CDADC1: variants seen among roughly 807,000 people sequenced by gnomAD.
The protein encoded by CDADC1 is cytidine and dCMP deaminase domain containing 1, also known as dCTP deaminase.
CDADC1 carries 39 observed loss-of-function variants against 54.9 expected under a neutral mutation model. The observed-to-expected ratio is 0.71, with a 90% CI of 0.55 to 0.93. CDADC1 has a LOEUF of 0.93. Among genes scored for constraint, CDADC1 ranks in the 40% least tolerant of loss-of-function variants. The probability of loss-of-function intolerance (pLI) is 0.00; values close to 1 mark genes in which losing one functional copy is unlikely to be tolerated. For missense variants in CDADC1, 518 were observed against 618.8 expected, an observed-to-expected ratio of 0.84 and a Z score of 1.73; for synonymous variants, 186 against 204.0, an observed-to-expected ratio of 0.91 and a Z score of 0.75.
Position 49,268,058 on chromosome 13 carries a change from T to TG in CDADC1, c.1000+1dup. 6.2e-7 allele frequency: 1 copy of TG among 1,606,290 alleles called. No individual in the cohort carries two copies. On this transcript the variant is annotated frameshift_variant and splice_region_variant, in exon 5 of 10. Transcript: ENST00000251108. LOFTEE classifies it high-confidence loss of function. ...AGGCCAGGTTATTGGCATATCGAACTGGTGAGTTACATAGATCGTAAATTG... is the reference window on the plus strand; with the variant it reads ...AGGCCAGGTTATTGGCATATCGAACTGGGTGAGTTACATAGATCGTAAATTG...
In CDADC1 at chr13:49,248,119, G is replaced by A. The variant is rs542495998; in HGVS notation, c.82G>A (p.Gly28Ser). 6 of 1,550,920 alleles carry A rather than the reference G, an allele frequency of 3.9e-6. No homozygotes were observed. The highest frequency in any genetic ancestry group is 2.7e-5 in the African/African-American group (2 of 73,154). ...CAGCACCCAGACTGGCAGCATGACC[G>A]GTGAGTGTCCGGGACCCTGCTCCCG... ...SVSTQTGSMT[G>S]QIPRLSKVNL... Residue 28 changes from glycine (G) to serine (S), a missense_variant and splice_region_variant, in exon 1 of 10, where the codon GGT (glycine) becomes AGT (serine). Transcript: ENST00000251108.
rs377446085 is a variant in CDADC1, at chr13:49,274,277, C to T, written c.1001-14C>T. 38 of 1,597,554 alleles carry T rather than the reference C, an allele frequency of 2.4e-5. No individual in the cohort carries two copies. The African/African-American group carries it at 4.4e-4, about 19-fold the overall frequency. On this transcript the variant is annotated splice_polypyrimidine_tract_variant and intron_variant, in intron 5 of 9. Coordinates refer to ENST00000251108, the MANE Select transcript of CDADC1 (RefSeq NM_030911.4). Reference sequence around the variant, plus strand: ...TCATAATTTTTACTGAGTTAAATGCCATATATCTTTCAGAGGATCATAAAA... The same window carrying T: ...TCATAATTTTTACTGAGTTAAATGCTATATATCTTTCAGAGGATCATAAAA...
chr13:49,261,579 A>T (rs998325950), intron 4 of CDADC1, among the ~76,000 whole-genome samples: 1 of 152,202 alleles, frequency 6.6e-6, no homozygotes, highest in Non-Finnish European at 1.5e-5. Flanking sequence ...GAGATTAGAG[A>T]TTGGGAGCTT....
intron 9 of CDADC1, among the ~76,000 whole-genome samples, chr13:49,288,315 T>C (rs1953584134): frequency 6.6e-6 from 1 of 152,238 alleles, no homozygotes; most frequent in Non-Finnish European, 1.5e-5. Context: ...TTTTTAATTA[T>C]ATGATAGTTT....
In CDADC1 at chr13:49,248,094, C is replaced by G. The variant is rs1035105322; in HGVS notation, c.57C>G (p.Val19=). The G allele has an allele frequency of 6.4e-7, 1 of 1,552,904 alleles. No individual in the cohort carries two copies. The highest frequency in any genetic ancestry group is 1.4e-5 in the African/African-American group (1 of 73,088). ...AGAGCGCGAGGGCCGGGCGGTCAGT[C>G]AGCACCCAGACTGGCAGCATGACCG... ...NLESARAGRS[V]STQTGSMTGQ... The change falls in exon 1 of 10, where the codon GTC becomes GTG. Residue 19 remains valine (V), a synonymous_variant. Coordinates refer to ENST00000251108, the MANE Select transcript of CDADC1 (RefSeq NM_030911.4).
intron 9 of CDADC1, among the ~76,000 whole-genome samples, chr13:49,289,120 C>CTTTTT (rs66814830): frequency 1.5e-4 from 9 of 60,992 alleles, no homozygotes; most frequent in African/African-American, 3.9e-4. Flanking sequence ...TTTTTTTTTG[C>CTTTTT]TTTTTTTTTT....
At chr13:49,280,826 T>TATTATTATTA (rs1429144291) in intron 8 of CDADC1, 128 bp downstream of exon 8, 9 of 220,096 alleles carry the variant, frequency 4.1e-5, no homozygotes, top group African/African-American at 1.9e-4. Context: ...TTATTATTAT[T>TATTATTATTA]ATTATTATTT....
At chr13:49,266,714 C>T (rs564243043) in intron 4 of CDADC1, among the ~76,000 whole-genome samples, 2 of 152,170 alleles carry the variant, frequency 1.3e-5, no homozygotes, top group South Asian at 4.1e-4. Flanking sequence ...GTTTGTTTAA[C>T]GTCTTTGCTT....
At chr13:49,286,136 G>A in intron 8 of CDADC1, 86 bp from the exon 9 acceptor site, 1 of 1,115,982 alleles carries the variant, frequency 9.0e-7, no homozygotes, top group East Asian at 2.4e-5. Flanking sequence ...TTTTTAAGAA[G>A]TTGTTTTGAT....
chr13:49,282,996 A>G (rs1481118683), intron 8 of CDADC1, among the ~76,000 whole-genome samples: 1 of 152,222 alleles, frequency 6.6e-6, no homozygotes, highest in Non-Finnish European at 1.5e-5. Context: ...CATTGTTTCT[A>G]TGACATCCAA....
chr13:49,257,122 G>C (rs1415978624), intron 3 of CDADC1, among the ~76,000 whole-genome samples: 1 of 152,128 alleles, frequency 6.6e-6, no homozygotes, highest in East Asian at 1.9e-4. Flanking sequence ...TTGTTTTATT[G>C]AGTTTGGGAT....
At position 49,280,669 on chromosome 13, in the gene CDADC1, G is replaced by C. The variant is rs141697320; in HGVS notation, c.1381G>C (p.Gly461Arg). The C allele has an allele frequency of 2.5e-6, 4 of 1,587,370 alleles. No homozygotes were observed. The highest frequency in any genetic ancestry group is 1.7e-6 in the Non-Finnish European group (2 of 1,169,998). Residue 461 changes from glycine (G) to arginine (R), a missense_variant, in exon 8 of 10, where the codon GGG (glycine) becomes CGG (arginine). Gly to Arg is a moderately radical substitution (Grantham distance 125). Transcript: ENST00000251108. Reference protein sequence around the residue: ...KKADISYMRFGELEGVSKFTW... With the variant: ...KKADISYMRFRELEGVSKFTW... The stretch of plus-strand genomic sequence containing the variant: ...GGCAGACATCTCTTACATGAGGTTC[G>C]GGGAGCTTGAAGGTGTTAGCAAATT...
In CDADC1 at chr13:49,277,483, A is replaced by G. The variant is rs533869361; in HGVS notation, c.1051-867A>G. On this transcript the variant is annotated intron_variant, in intron 6 of 9. Coordinates refer to ENST00000251108, the MANE Select transcript of CDADC1 (RefSeq NM_030911.4). The stretch of plus-strand genomic sequence containing the variant: ...CTCAGCATGATGTTTGACATTTAGT[A>G]AATGTTCAAACAGATTTATTAATGA... 7.9e-5 allele frequency among the ~76,000 whole-genome samples: 12 copies of G among 152,312 alleles called. No individual in the cohort carries two copies. The South Asian group carries it at 2.3e-3, about 29-fold the overall frequency.
chr13:49,280,021 T>C (rs1369238010), intron 7 of CDADC1, among the ~76,000 whole-genome samples: 1 of 152,214 alleles, frequency 6.6e-6, no homozygotes, highest in East Asian at 1.9e-4. Context: ...AGTATTTGAT[T>C]ATTCATTTAG....
intron 7 of CDADC1, 49 bp downstream of exon 7, chr13:49,278,568 G>T: frequency 5.7e-6 from 7 of 1,238,930 alleles, no homozygotes; most frequent in East Asian, 2.6e-5. Flanking sequence ...AGCAAGGGTT[G>T]GTTGAAATTA....
intron 4 of CDADC1, among the ~76,000 whole-genome samples, chr13:49,259,924 T>C (rs56324393): frequency 0.011 from 1,616 of 151,776 alleles, 23 homozygotes; most frequent in African/African-American, 0.037. Context: ...ACCACAGAGA[T>C]AATTTAGAAA....
chr13:49,274,499 T>TAA (rs58770280), intron 6 of CDADC1, among the ~76,000 whole-genome samples, 159 bp downstream of exon 6: 1 of 140,682 alleles, frequency 7.1e-6, no homozygotes, highest in Non-Finnish European at 1.6e-5. Context: ...CCATCTCTAC[T>TAA]AAAAAAAAAA....
intron 4 of CDADC1, among the ~76,000 whole-genome samples, chr13:49,260,133 G>A (rs1952642250): frequency 6.6e-6 from 1 of 152,056 alleles, no homozygotes; most frequent in Non-Finnish European, 1.5e-5. Flanking sequence ...TATATCTGAA[G>A]ACAGTTTGAT....
chr13:49,250,346 AT>A (rs1192365254), intron 2 of CDADC1, among the ~76,000 whole-genome samples: 1 of 152,206 alleles, frequency 6.6e-6, no homozygotes, highest in Admixed American at 6.5e-5. Flanking sequence ...CATGGTCTTT[AT>A]TTTCTAATGA....
Sources: allele counts gnomAD v4.1 joint callset (sites outside exome capture counted in the v4.1 genomes callset), GRCh38; gene constraint gnomAD v4.1.1; transcripts MANE v1.5; gene names NCBI Gene and HGNC (gene_info 2026-07-23, HGNC 2026-07-21).